The following OBP2B variants were observed in gnomAD, a reference collection of about 807,000 sequenced individuals.
OBP2B encodes the protein odorant-binding protein 2b.
OBP2B carries 10 observed loss-of-function variants against 21.7 expected under a neutral mutation model. That is an observed-to-expected ratio of 0.46 (90% CI 0.28 to 0.78). OBP2B has a LOEUF of 0.78. OBP2B is among the 30% of genes least tolerant of loss of function. OBP2B has a pLI of 0.11. For synonymous variants in OBP2B, 73 were observed against 91.5 expected (o/e 0.80, Z 1.16); for missense variants, 153 against 217.7 (o/e 0.70, Z 1.87).
chr9:133,222,361 C>T, the OBP2B span, among the ~76,000 whole-genome samples: 1 of 152,186 alleles, frequency 6.6e-6, no homozygotes, highest in Non-Finnish European at 1.5e-5. Context: ...AGAGCTTTTG[C>T]TAAAAAGGGC....
At position 133,209,041 on chromosome 9, in the gene OBP2B, G is replaced by T. The variant is rs1833849992; in HGVS notation, c.72+87C>A. On this transcript the variant is annotated intron_variant, in intron 1 of 6. Transcript: ENST00000372034. This position sits in a 1 kb window ranked among gnomAD's most constrained non-coding sequence, Gnocchi z 6.0. ...ACGGGGTCAGAAGCCAGCCTTCAGT[G>T]ACACCTCCTAAAGCAGGGCCCCTGG... The T allele has an allele frequency of 8.4e-6, 13 of 1,556,688 alleles. No homozygotes were observed. The highest frequency in any genetic ancestry group is 1.0e-5 in the Non-Finnish European group (12 of 1,149,792).
chr9:133,216,478 C>T, the OBP2B span, among the ~76,000 whole-genome samples: 1 of 146,268 alleles, frequency 6.8e-6, no homozygotes, highest in Non-Finnish European at 1.5e-5. Flanking sequence ...AATGGCTTGA[C>T]AGGTTTAAAA....
the OBP2B span, among the ~76,000 whole-genome samples, chr9:133,221,588 G>A: frequency 3.2e-4 from 48 of 152,294 alleles, no homozygotes; most frequent in Non-Finnish European, 5.0e-4. Context: ...AGAATGGGGC[G>A]GGGACTGCCT....
At chr9:133,208,709 T>A (rs567293382) in intron 1 of OBP2B, 107 bp from the exon 2 acceptor site, 9 of 1,519,722 alleles carry the variant, frequency 5.9e-6, no homozygotes, top group Non-Finnish European at 8.0e-6. Flanking sequence ...GCCCGGCTGC[T>A]GCCCTTAAAG....
chr9:133,216,771 A>G, the OBP2B span, among the ~76,000 whole-genome samples: 3 of 152,116 alleles, frequency 2.0e-5, no homozygotes, highest in East Asian at 5.8e-4. Flanking sequence ...CCAATCCCAC[A>G]ATTTTATGAT....
At chr9:133,222,516 T>C in the OBP2B span, among the ~76,000 whole-genome samples, 1,258 of 152,196 alleles carry the variant, frequency 8.3e-3, 18 homozygotes, top group African/African-American at 0.028. Flanking sequence ...TCAATTGAGG[T>C]CAGGAGTTCA....
intron 4 of OBP2B, 48 bp from the exon 5 acceptor site, chr9:133,206,464 C>A: frequency 1.2e-6 from 2 of 1,607,680 alleles, no homozygotes; most frequent in African/African-American, 1.3e-5. Context: ...AGCGGCACGG[C>A]CCTGCAGGGA....
At chr9:133,209,838 C>T (rs1211785866), upstream of OBP2B, among the ~76,000 whole-genome samples, 3 of 152,134 alleles carry the variant, frequency 2.0e-5, no homozygotes, top group Non-Finnish European at 2.9e-5. This position sits in a 1 kb window ranked among gnomAD's most constrained non-coding sequence, Gnocchi z 6.0. Context: ...AGTTTATATA[C>T]GGCCTCCTCG....
chr9:133,217,894 AT>A, the OBP2B span, among the ~76,000 whole-genome samples: 9 of 152,192 alleles, frequency 5.9e-5, no homozygotes, highest in Admixed American at 2.0e-4. Context: ...ATCCTGAGCC[AT>A]TCTTTGTGGT....
chr9:133,223,127 T>A, the OBP2B span, among the ~76,000 whole-genome samples: 186 of 152,300 alleles, frequency 1.2e-3, 1 homozygote, highest in Non-Finnish European at 5.0e-4. This position sits in a 1 kb window ranked among gnomAD's most constrained non-coding sequence, Gnocchi z 4.4. Flanking sequence ...AGCTCTCAGA[T>A]GGCTTCCAGG....
intron 6 of OBP2B, 75 bp downstream of exon 6, chr9:133,205,842 A>G: frequency 6.2e-7 from 1 of 1,610,326 alleles, no homozygotes; most frequent in South Asian, 1.1e-5. Context: ...GGGAGGGGCC[A>G]GAGCAGATGT....
At chr9:133,213,357 C>A (rs1199881722), upstream of OBP2B, among the ~76,000 whole-genome samples, 5 of 152,136 alleles carry the variant, frequency 3.3e-5, no homozygotes, top group African/African-American at 9.7e-5. Flanking sequence ...TAAGCTCCCA[C>A]TTCAAGAACC....
chr9:133,205,960 C>T lies in OBP2B; in HGVS notation c.491-20G>A. 6.2e-7 allele frequency: 1 copy of T among 1,613,940 alleles called. No individual in the cohort carries two copies. The highest frequency in any genetic ancestry group is 8.5e-7 in the Non-Finnish European group (1 of 1,179,838). On this transcript the variant is annotated intron_variant, in intron 5 of 6. Transcript: ENST00000372034. ...AGCTTCCTGCAGAGACCAAGAAAAACCCAGGGATTAGAAGGCGCCCTAGAC... is the reference window on the plus strand; with the variant it reads ...AGCTTCCTGCAGAGACCAAGAAAAATCCAGGGATTAGAAGGCGCCCTAGAC...
At chr9:133,211,535 AAC>A (rs1833917674), upstream of OBP2B, among the ~76,000 whole-genome samples, 1 of 152,196 alleles carries the variant, frequency 6.6e-6, no homozygotes. Context: ...ACACCGATGA[AAC>A]CCAGATGTGC....
chr9:133,210,686 A>G (rs1167665025), upstream of OBP2B, among the ~76,000 whole-genome samples: 1 of 152,202 alleles, frequency 6.6e-6, no homozygotes, highest in Non-Finnish European at 1.5e-5. Context: ...ACATGCACAG[A>G]TGCTTCAGAG....
the OBP2B span, among the ~76,000 whole-genome samples, chr9:133,216,310 T>C: frequency 1.3e-5 from 2 of 149,806 alleles, no homozygotes; most frequent in Non-Finnish European, 3.0e-5. Context: ...AGATGGCAAA[T>C]AAACACATGA....
upstream of OBP2B, among the ~76,000 whole-genome samples, chr9:133,209,707 A>G (rs1391825109): frequency 6.6e-6 from 1 of 152,080 alleles, no homozygotes; most frequent in African/African-American, 2.4e-5. This position sits in a 1 kb window ranked among gnomAD's most constrained non-coding sequence, Gnocchi z 6.0. Flanking sequence ...TGAGTCCCGC[A>G]CGCCCTAGAG....
rs1370095745 is a variant in OBP2B, at chr9:133,207,209, C to G, written c.388+17G>C. ...AGACCGTGGGGCAGGACACGCAGACCCCAGCAAGCCCCTCACCCACAAGCT... is the reference window on the plus strand; with the variant it reads ...AGACCGTGGGGCAGGACACGCAGACGCCAGCAAGCCCCTCACCCACAAGCT... On this transcript the variant is annotated intron_variant, in intron 4 of 6. Transcript: ENST00000372034. 1.9e-6 allele frequency: 3 copies of G among 1,567,688 alleles called. No homozygotes were observed. The highest frequency in any genetic ancestry group is 3.3e-5 in the Admixed American group (2 of 59,944).
At chr9:133,209,881 C>T (rs1422073700), upstream of OBP2B, among the ~76,000 whole-genome samples, 6 of 152,222 alleles carry the variant, frequency 3.9e-5, no homozygotes, top group Admixed American at 1.3e-4. The surrounding 1 kb of genome is among the most constrained non-coding windows in gnomAD (Gnocchi z 6.0). Context: ...CCTCCCCGAC[C>T]CCGCTTCACT....
Sources: allele counts gnomAD v4.1 joint callset (sites outside exome capture counted in the v4.1 genomes callset), GRCh38; gene constraint gnomAD v4.1.1; non-coding constraint Gnocchi (gnomAD v3.1); transcripts MANE v1.5; gene names NCBI Gene and HGNC (gene_info 2026-07-23, HGNC 2026-07-21).